Variants in DPYS observed in about 807,000 individuals in gnomAD.
The protein encoded by DPYS is dihydropyrimidine amidohydrolase.
A neutral mutation model predicts 50.3 loss-of-function variants in DPYS; 39 were observed. The ratio of observed to expected loss-of-function variants is 0.78; its 90% confidence interval spans 0.60 to 1.01. The LOEUF (loss-of-function observed/expected upper bound fraction) is 1.01. Ranked by LOEUF, DPYS falls within the 50% of genes least tolerant of loss-of-function variation. The probability of loss-of-function intolerance (pLI) is 0.00; values close to 1 mark genes in which losing one functional copy is unlikely to be tolerated. For missense variants in DPYS, 659 were observed against 680.9 expected, an observed-to-expected ratio of 0.97 and a Z score of 0.36; for synonymous variants, 245 against 250.7, an observed-to-expected ratio of 0.98 and a Z score of 0.22.
At chr8:104,420,178 TA>T (rs1377652791) in intron 7 of DPYS, 2 of 152,088 alleles carry the variant, frequency 1.3e-5, no homozygotes, top group African/African-American at 4.8e-5. Context: ...GTGACGATGG[TA>T]GGGGTAGTGT....
intron 7 of DPYS, among the ~76,000 whole-genome samples, chr8:104,407,081 A>G (rs1162881019): frequency 2.6e-5 from 4 of 152,252 alleles, no homozygotes; most frequent in Non-Finnish European, 5.9e-5. Flanking sequence ...TGGAGCTTCC[A>G]TTTACTGCAT....
chr8:104,447,552 T>C (rs1391810084), intron 2 of DPYS, 49 bp from the exon 3 acceptor site: 2 of 1,597,574 alleles, frequency 1.3e-6, no homozygotes, highest in East Asian at 4.5e-5. Flanking sequence ...CTAATTTAAA[T>C]GATAATTTCA....
chr8:104,388,210 T>C (rs914188904), intron 8 of DPYS, among the ~76,000 whole-genome samples: 1 of 152,206 alleles, frequency 6.6e-6, no homozygotes, highest in Admixed American at 6.5e-5. Context: ...TTTTATCTTA[T>C]CTACAAGGCA....
chr8:104,421,440 TG>T (rs1812539051), intron 7 of DPYS: 1 of 152,168 alleles, frequency 6.6e-6, no homozygotes, highest in African/African-American at 2.4e-5. Context: ...GAGATCATCC[TG>T]GCTAACACGG....
At chr8:104,427,437 C>A (rs1386384681) in intron 6 of DPYS, among the ~76,000 whole-genome samples, 3 of 151,510 alleles carry the variant, frequency 2.0e-5, no homozygotes, top group Admixed American at 6.6e-5. Context: ...TGCCACCATG[C>A]CCGGCTAACT....
chr8:104,391,853 TC>T (rs1411573272), intron 8 of DPYS, among the ~76,000 whole-genome samples: 1 of 152,120 alleles, frequency 6.6e-6, no homozygotes, highest in Non-Finnish European at 1.5e-5. Context: ...CAAGTGATTC[TC>T]CCACCTCTGC....
chr8:104,415,595 T>A (rs1039516738), intron 7 of DPYS, among the ~76,000 whole-genome samples: 1 of 150,716 alleles, frequency 6.6e-6, no homozygotes, highest in Non-Finnish European at 1.5e-5. Context: ...TTTTTTTTTT[T>A]AAAGCAAATG....
chr8:104,412,546 G>A (rs3793354), intron 7 of DPYS, among the ~76,000 whole-genome samples: 8,977 of 152,162 alleles, frequency 0.059, 329 homozygotes, highest in African/African-American at 0.085. Context: ...CGGCTGTGTC[G>A]CCTCAGGGGA....
intron 8 of DPYS, among the ~76,000 whole-genome samples, chr8:104,384,861 G>A (rs768835834): frequency 7.2e-5 from 11 of 152,270 alleles, no homozygotes; most frequent in African/African-American, 1.7e-4. Flanking sequence ...TTCTTTTCTC[G>A]CCTTCTGGGA....
chr8:104,411,609 A>C (rs560270876), intron 7 of DPYS: 1 of 152,134 alleles, frequency 6.6e-6, no homozygotes, highest in African/African-American at 2.4e-5. Context: ...AATGATAGAG[A>C]AAACATAGGG....
chr8:104,416,498 T>C (rs1812373389), intron 7 of DPYS, among the ~76,000 whole-genome samples: 1 of 152,098 alleles, frequency 6.6e-6, no homozygotes, highest in Non-Finnish European at 1.5e-5. Flanking sequence ...TATGCACCCA[T>C]GACAAGACCC....
At chr8:104,399,887 A>G (rs530128413) in intron 7 of DPYS, among the ~76,000 whole-genome samples, 4 of 151,380 alleles carry the variant, frequency 2.6e-5, no homozygotes, top group South Asian at 4.2e-4. Flanking sequence ...AAAAAAAAAA[A>G]AAAGAAAGAA....
At chr8:104,461,120 C>CAA (rs367619842) in intron 1 of DPYS, among the ~76,000 whole-genome samples, 30,400 of 111,918 alleles carry the variant, frequency 0.27, 3,650 homozygotes, top group African/African-American at 0.33. Context: ...CCTGTCTCTA[C>CAA]AAAAAAAAAA....
At chr8:104,454,956 A>G (rs980255755) in intron 1 of DPYS, among the ~76,000 whole-genome samples, 3 of 152,166 alleles carry the variant, frequency 2.0e-5, no homozygotes, top group Non-Finnish European at 2.9e-5. Context: ...AATGTTTTGC[A>G]TATTTTAACC....
At chr8:104,432,716 A>C (rs1465667788) in intron 4 of DPYS, among the ~76,000 whole-genome samples, 2 of 152,222 alleles carry the variant, frequency 1.3e-5, no homozygotes, top group Non-Finnish European at 2.9e-5. Flanking sequence ...GACATTGTAC[A>C]AGGTAAGTCA....
intron 7 of DPYS, among the ~76,000 whole-genome samples, chr8:104,394,158 A>C (rs7830021): frequency 0.37 from 55,735 of 152,110 alleles, 12,911 homozygotes; most frequent in African/African-American, 0.65. Flanking sequence ...TAAAGAGATA[A>C]ATTTTTTAAA....
At chr8:104,452,072 G>T (rs915417957) in intron 1 of DPYS, among the ~76,000 whole-genome samples, 1 of 152,086 alleles carries the variant, frequency 6.6e-6, no homozygotes, top group African/African-American at 2.4e-5. Flanking sequence ...GTAACCACTT[G>T]ACTCCAAAGA....
chr8:104,400,368 G>A (rs1368876020), intron 7 of DPYS, among the ~76,000 whole-genome samples: 1 of 152,242 alleles, frequency 6.6e-6, no homozygotes, highest in African/African-American at 2.4e-5. Flanking sequence ...CTGCAGAACA[G>A]ATGCAGATGT....
chr8:104,450,150 GAA>G lies in DPYS; in HGVS notation c.423+1094_423+1095del, dbSNP rs1491569594. 3.5e-3 allele frequency among the ~76,000 whole-genome samples: 290 copies of G among 82,392 alleles called. 1 individual carries two copies. Among genetic ancestry groups the G allele is most frequent in the Non-Finnish European group, 6.9e-3 (211 of 30,800 alleles). 54.1% of individuals were successfully genotyped at this position (82,392 alleles called of 152,430 possible). A position where few individuals can be genotyped will look rare whatever the true frequency, so the allele number is the denominator to read the frequency against. Reference sequence around the variant, plus strand: ...GAGGGAAGAGAAGAAAAGAAAGAAGGAAGGGAGGAAGGGAGGGAGGGAGGGAA... The same window carrying G: ...GAGGGAAGAGAAGAAAAGAAAGAAGGGGGAGGAAGGGAGGGAGGGAGGGAA... On this transcript the variant is annotated intron_variant, in intron 2 of 9. Transcript: ENST00000351513.
Sources: allele counts gnomAD v4.1 joint callset (sites outside exome capture counted in the v4.1 genomes callset), GRCh38; gene constraint gnomAD v4.1.1; transcripts MANE v1.5; gene names NCBI Gene and HGNC (gene_info 2026-07-23, HGNC 2026-07-21).